The following C9orf72 variants were observed in gnomAD, a reference collection of about 807,000 sequenced individuals.
C9orf72 encodes C9orf72-SMCR8 complex subunit.
A neutral mutation model predicts 51.6 loss-of-function variants in C9orf72; 44 were observed. That is an observed-to-expected ratio of 0.85 (90% CI 0.67 to 1.10). The LOEUF (loss-of-function observed/expected upper bound fraction) is 1.10. Ranked by LOEUF, C9orf72 falls within the 50% of genes least tolerant of loss-of-function variation. C9orf72 has a pLI of 0.00. For missense variants in C9orf72, 607 were observed against 570.6 expected (o/e 1.06, Z -0.65); for synonymous variants, 213 against 194.2 (o/e 1.10, Z -0.81).
intron 1 of C9orf72, among the ~76,000 whole-genome samples, chr9:27,570,735 T>C (rs1344777109): frequency 6.6e-6 from 1 of 151,908 alleles, no homozygotes; most frequent in Non-Finnish European, 1.5e-5. Flanking sequence ...GGTGTGGTGG[T>C]GGACACCTGT....
At chr9:27,548,769 A>G in intron 9 of C9orf72, 103 bp from the exon 10 acceptor site, 1 of 670,928 alleles carries the variant, frequency 1.5e-6, no homozygotes, top group South Asian at 1.7e-5. Flanking sequence ...ATACACACTA[A>G]ACATCTCCTT....
chr9:27,558,787 G>A lies in C9orf72; in HGVS notation c.739-180C>T, dbSNP rs1819271632. 10 of 466,840 alleles carry A rather than the reference G, an allele frequency of 2.1e-5. No individual in the cohort carries two copies. The East Asian group carries it at 2.6e-4, about 12-fold the overall frequency. The allele number at this position is 466,840 out of a possible 1,614,324, so 28.9% of individuals were successfully genotyped here. A position where few individuals can be genotyped will look rare whatever the true frequency, so the allele number is the denominator to read the frequency against. On this transcript the variant is annotated intron_variant, in intron 6 of 10. Coordinates refer to ENST00000380003, the MANE Select transcript of C9orf72 (RefSeq NM_018325.5). The stretch of plus-strand genomic sequence containing the variant: ...TTGTTGCTTAAAATAGGGATTCTGT[G>A]GTCAAATAAATTTAGAAAATGCTTG...
rs781558367 is a variant in C9orf72, at chr9:27,565,554, C to G, written c.481G>C (p.Gly161Arg). 1.2e-6 allele frequency: 2 copies of G among 1,606,720 alleles called. No homozygotes were observed. The highest frequency in any genetic ancestry group is 4.5e-5 in the East Asian group (2 of 44,744). Residue 161 changes from glycine to arginine, a missense_variant, in exon 3 of 11, where the codon GGC (glycine) becomes CGC (arginine). Coordinates refer to ENST00000380003, the MANE Select transcript of C9orf72 (RefSeq NM_018325.5). ...ACCTGATCTTCCATTCTCTCTGTGC[C>G]TTCTAAGATAATCTTCTGGACATTT... ...QENVQKIILE[G>R]TERMEDQGQS...
At chr9:27,549,988 C>T (rs930025523) in intron 9 of C9orf72, among the ~76,000 whole-genome samples, 3 of 151,038 alleles carry the variant, frequency 2.0e-5, no homozygotes, top group African/African-American at 7.3e-5. Flanking sequence ...TTAATTCTAT[C>T]ATTTTATAAA....
chr9:27,552,054 CTA>C (rs1820919299), intron 8 of C9orf72, among the ~76,000 whole-genome samples: 1 of 152,146 alleles, frequency 6.6e-6, no homozygotes, highest in Admixed American at 6.5e-5. Context: ...TGGGCAGAGA[CTA>C]TGAGATTTTC....
At chr9:27,573,028 C>G (rs1563908615) in intron 1 of C9orf72, among the ~76,000 whole-genome samples, 1 of 152,184 alleles carries the variant, frequency 6.6e-6, no homozygotes, top group Admixed American at 6.5e-5. Flanking sequence ...CGACTTGGTC[C>G]GCAGAAGCCG....
chr9:27,560,131 A>G, intron 6 of C9orf72, 96 bp downstream of exon 6: 2 of 761,528 alleles, frequency 2.6e-6, no homozygotes, highest in Non-Finnish European at 4.1e-6. Context: ...ATACTACTAG[A>G]TCATTTTAAT....
At position 27,557,743 on chromosome 9, in the gene C9orf72, C is replaced by G. The variant is rs548085696; in HGVS notation, c.855+748G>C. 6.6e-5 allele frequency among the ~76,000 whole-genome samples: 10 copies of G among 152,128 alleles called. No individual in the cohort carries two copies. In the East Asian group the frequency reaches 1.9e-3, roughly 29 times the overall value. On this transcript the variant is annotated intron_variant, in intron 7 of 10. Transcript: ENST00000380003. ...GTTTCTATATTTAAATACTATCATT[C>G]TGAGTTCATAGCAGCACATTATTGA... is the stretch of plus-strand genomic sequence containing the variant.
chr9:27,551,149 A>G (rs539701479), intron 8 of C9orf72, among the ~76,000 whole-genome samples: 13 of 152,322 alleles, frequency 8.5e-5, no homozygotes, highest in African/African-American at 3.1e-4. Context: ...AAAACAAACC[A>G]AAAAATGTGA....
At chr9:27,565,426 A>T in intron 3 of C9orf72, 105 bp downstream of exon 3, 1 of 651,902 alleles carries the variant, frequency 1.5e-6, no homozygotes, top group South Asian at 2.2e-5. Context: ...AAGCTCCATT[A>T]AAGGCTTATT....
At chr9:27,560,325 A>G (rs1414538289) in intron 5 of C9orf72, 26 bp from the exon 6 acceptor site, 1 of 1,562,306 alleles carries the variant, frequency 6.4e-7, no homozygotes, top group East Asian at 2.3e-5. Context: ...AACAGATTAA[A>G]AACATTGCCT....
chr9:27,562,886 G>T (rs1819385324), intron 3 of C9orf72, among the ~76,000 whole-genome samples: 1 of 151,862 alleles, frequency 6.6e-6, no homozygotes, highest in East Asian at 1.9e-4. Context: ...GGCCAGGTTG[G>T]TGTCAAATTT....
Position 27,556,626 on chromosome 9 carries a change from G to T in C9orf72, c.1026C>A (p.Ala342=), listed in dbSNP as rs752423770. The T allele has an allele frequency of 1.2e-6, 2 of 1,613,960 alleles. No homozygotes were observed. Among genetic ancestry groups the T allele is most frequent in the South Asian group, 2.2e-5 (2 of 91,076 alleles). ...CCTGAGCCATGTCTTCTTCTGAAGTGGCTCTCCAGAAGGCTGTCAGCTCGG... is the reference window on the plus strand; with the variant it reads ...CCTGAGCCATGTCTTCTTCTGAAGTTGCTCTCCAGAAGGCTGTCAGCTCGG... ...MRSELTAFWR[A]TSEEDMAQDT... is the part of the protein sequence containing the mutation. The change falls in exon 8 of 11, where the codon GCC becomes GCA. Residue 342 remains alanine, a synonymous_variant. Coordinates refer to ENST00000380003, the MANE Select transcript of C9orf72 (RefSeq NM_018325.5).
rs755295447 is a variant in C9orf72, at chr9:27,566,977, C to T, written c.144G>A (p.Lys48=). 6 of 1,614,112 alleles carry T rather than the reference C, an allele frequency of 3.7e-6. No homozygotes were observed. The South Asian group carries it at 4.4e-5, about 12-fold the overall frequency. ...CATCACTGAGAAGTACCTGTTCTGT[C>T]TTTGGAGCCCAAATGTGCCTTACTC... The part of the protein sequence containing the change: ...GPRVRHIWAP[K]TEQVLLSDGE... Residue 48 remains lysine, a synonymous_variant, in exon 2 of 11, where the codon AAG becomes AAA. Transcript: ENST00000380003.
intron 3 of C9orf72, 65 bp downstream of exon 3, chr9:27,565,466 G>T: frequency 9.7e-7 from 1 of 1,033,180 alleles, no homozygotes. Flanking sequence ...GACAAATGTA[G>T]CCATCAACCT....
chr9:27,572,312 G>C (rs1462637182), intron 1 of C9orf72, among the ~76,000 whole-genome samples: 1 of 152,176 alleles, frequency 6.6e-6, no homozygotes, highest in East Asian at 1.9e-4. Context: ...CAGAGGTGGT[G>C]ACAACAATGC....
Position 27,572,169 on chromosome 9 carries a change from C to T in C9orf72, c.-45+1262G>A, listed in dbSNP as rs960002800. Among the ~76,000 whole-genome samples, 9 of 152,264 alleles carry T rather than the reference C, an allele frequency of 5.9e-5. No homozygotes were observed. The East Asian group carries it at 1.7e-3, about 29-fold the overall frequency. The stretch of plus-strand genomic sequence containing the variant: ...CTTCATAAGGTGCTTGTAATTTTTT[C>T]CTGGAGCAGGTAAATGCTGGCTTAG... On this transcript the variant is annotated intron_variant, in intron 1 of 10. Coordinates refer to ENST00000380003, the MANE Select transcript of C9orf72 (RefSeq NM_018325.5).
chr9:27,548,450 A>G, intron 10 of C9orf72, 28 bp from the exon 11 acceptor site: 1 of 1,418,240 alleles, frequency 7.1e-7, no homozygotes, highest in Non-Finnish European at 9.4e-7. Flanking sequence ...AAAAAAAAAA[A>G]AAAAAAAAAA....
intron 1 of C9orf72, among the ~76,000 whole-genome samples, chr9:27,570,327 C>T (rs559876940): frequency 1.7e-4 from 26 of 152,304 alleles, no homozygotes; most frequent in African/African-American, 6.3e-4. Context: ...ATTAAGTTAA[C>T]ATACAACCAT....
Sources: gnomAD v4.1 joint callset for allele counts (sites outside exome capture counted in the v4.1 genomes callset) on GRCh38, gnomAD v4.1.1 for gene constraint, MANE v1.5 for transcripts, NCBI Gene and HGNC (gene_info 2026-07-23, HGNC 2026-07-21) for gene names.